The following ERBB4 variants were observed in gnomAD, a reference collection of about 807,000 sequenced individuals.
ERBB4 encodes receptor tyrosine-protein kinase erbB-4.
In ERBB4, 42 loss-of-function variants were observed where a neutral mutation model predicts 158.0. The ratio of observed to expected loss-of-function variants is 0.27; its 90% CI spans 0.21 to 0.34. ERBB4 has a LOEUF of 0.34. ERBB4 is among the 10% of genes least tolerant of loss of function. The pLI is 1.00. For missense variants in ERBB4, 1,333 were observed against 1,624.1 expected (o/e 0.82, Z 3.08); for synonymous variants, 583 against 558.7 (o/e 1.04, Z -0.61).
chr2:211,609,134 C>G (rs776624845), intron 19 of ERBB4, among the ~76,000 whole-genome samples: 3 of 152,120 alleles, frequency 2.0e-5, no homozygotes, highest in Non-Finnish European at 4.4e-5. Context: ...TCCCATTTTC[C>G]ACCAAGGCAA....
chr2:211,510,200 G>GAATA (rs975794237), intron 20 of ERBB4, among the ~76,000 whole-genome samples: 3 of 152,096 alleles, frequency 2.0e-5, no homozygotes, highest in African/African-American at 7.2e-5. Context: ...GACCATCAAT[G>GAATA]GGTGGTTGGA....
Position 211,670,289 on chromosome 2 carries a change from G to A in ERBB4, c.1716+2875C>T, listed in dbSNP as rs1293833522. On this transcript the variant is annotated intron_variant, in intron 14 of 27. Transcript: ENST00000342788. ...CAAACCATAGTGGGAGCAATGTTTG[G>A]GCCACTGGTTGAGCTCAGCCATGCC... Among the ~76,000 whole-genome samples the A allele has an allele frequency of 2.0e-5, 3 of 152,094 alleles. No homozygotes were observed. In the East Asian group the frequency reaches 5.8e-4, roughly 29 times the overall value.
At chr2:212,121,921 G>A (rs1454009133) in intron 2 of ERBB4, among the ~76,000 whole-genome samples, 1 of 151,960 alleles carries the variant, frequency 6.6e-6, no homozygotes, top group African/African-American at 2.4e-5. Context: ...CTCCTTTGAT[G>A]AAACTTTTCC....
At chr2:212,056,085 G>A (rs1175825632) in intron 2 of ERBB4, among the ~76,000 whole-genome samples, 1 of 152,190 alleles carries the variant, frequency 6.6e-6, no homozygotes, top group Non-Finnish European at 1.5e-5. Context: ...GTCCTTAAAT[G>A]ACCTGATGGA....
intron 1 of ERBB4, among the ~76,000 whole-genome samples, chr2:212,231,041 TTAGAG>T (rs1185138204): frequency 2.6e-5 from 4 of 152,190 alleles, no homozygotes; most frequent in African/African-American, 7.2e-5. Flanking sequence ...CGAAATACAG[TTAGAG>T]TATAGTTAGG....
intron 20 of ERBB4, among the ~76,000 whole-genome samples, chr2:211,510,476 A>C (rs185467348): frequency 0.013 from 1,979 of 152,196 alleles, 27 homozygotes; most frequent in Non-Finnish European, 0.02. Flanking sequence ...ATTTCTTTTA[A>C]AACAGAAGAC....
chr2:212,443,150 C>T (rs1037558453), intron 1 of ERBB4, among the ~76,000 whole-genome samples: 1 of 152,232 alleles, frequency 6.6e-6, no homozygotes, highest in Non-Finnish European at 1.5e-5. Flanking sequence ...GCTGGCAAGG[C>T]CAGCAATGTA....
chr2:211,719,868 G>GAAAA (rs56887696), intron 7 of ERBB4, among the ~76,000 whole-genome samples: 1 of 76,744 alleles, frequency 1.3e-5, no homozygotes, highest in Non-Finnish European at 3.2e-5. Context: ...ACAAAGAAAA[G>GAAAA]AAAAAAAAAA....
chr2:211,880,960 G>A (rs545810515), intron 3 of ERBB4, among the ~76,000 whole-genome samples: 4 of 152,202 alleles, frequency 2.6e-5, no homozygotes, highest in African/African-American at 9.6e-5. Context: ...CTCAATTAGT[G>A]GAGCTTACTC....
At chr2:211,595,817 T>C (rs895741940) in intron 19 of ERBB4, among the ~76,000 whole-genome samples, 4 of 152,212 alleles carry the variant, frequency 2.6e-5, no homozygotes, top group Non-Finnish European at 5.9e-5. Flanking sequence ...GTCAAGTTTT[T>C]GTATACGTGG....
At chr2:211,921,725 G>A (rs2079862769) in intron 3 of ERBB4, among the ~76,000 whole-genome samples, 1 of 152,052 alleles carries the variant, frequency 6.6e-6, no homozygotes, top group South Asian at 2.1e-4. Context: ...GCCCTCTGGA[G>A]TCACGGCATA....
At chr2:212,039,256 T>C (rs1465746449) in intron 2 of ERBB4, among the ~76,000 whole-genome samples, 1 of 152,180 alleles carries the variant, frequency 6.6e-6, no homozygotes, top group Non-Finnish European at 1.5e-5. Context: ...TATAACTATG[T>C]TTCAGAAGAA....
intron 2 of ERBB4, among the ~76,000 whole-genome samples, chr2:211,978,854 T>G (rs532035504): frequency 6.6e-6 from 1 of 152,170 alleles, no homozygotes; most frequent in African/African-American, 2.4e-5. Flanking sequence ...TCTAAAGTAG[T>G]TAAATATTAC....
chr2:211,805,129 G>A (rs1007141786), intron 3 of ERBB4, among the ~76,000 whole-genome samples: 4 of 152,054 alleles, frequency 2.6e-5, no homozygotes, highest in African/African-American at 9.7e-5. Flanking sequence ...ATGTTGGCCA[G>A]GCTTGTCTCA....
chr2:212,371,839 GAAA>G (rs1172046977), intron 1 of ERBB4, among the ~76,000 whole-genome samples: 9 of 151,632 alleles, frequency 5.9e-5, no homozygotes, highest in African/African-American at 9.7e-5. Flanking sequence ...TAAAGAGAAA[GAAA>G]AAAAAGCATG....
intron 5 of ERBB4, among the ~76,000 whole-genome samples, chr2:211,750,382 A>C (rs2075097396): frequency 6.6e-6 from 1 of 152,252 alleles, no homozygotes; most frequent in Non-Finnish European, 1.5e-5. Context: ...AAAACTCTAA[A>C]GTTATAGCTA....
intron 25 of ERBB4, among the ~76,000 whole-genome samples, chr2:211,415,868 G>T (rs10178370): frequency 6.6e-6 from 1 of 152,034 alleles, no homozygotes; most frequent in African/African-American, 2.4e-5. Flanking sequence ...GGGAGAAAGC[G>T]TGTAAGAGGA....
intron 1 of ERBB4, among the ~76,000 whole-genome samples, chr2:212,324,916 AG>A (rs1342792947): frequency 6.6e-6 from 1 of 150,568 alleles, no homozygotes; most frequent in Non-Finnish European, 1.5e-5. Context: ...ACATTCATAA[AG>A]AAAAGTACAC....
chr2:212,485,052 C>A (rs955178832), intron 1 of ERBB4, among the ~76,000 whole-genome samples: 1 of 152,124 alleles, frequency 6.6e-6, no homozygotes. Context: ...CTAGAGGGAA[C>A]AGGAAAGCTA....
Sources: allele counts gnomAD v4.1 joint callset (sites outside exome capture counted in the v4.1 genomes callset), GRCh38; gene constraint gnomAD v4.1.1; transcripts MANE v1.5; gene names NCBI Gene and HGNC (gene_info 2026-07-23, HGNC 2026-07-21).